Variants in GP6 observed in about 807,000 individuals in gnomAD.
The protein encoded by GP6 is glycoprotein VI platelet.
Under a neutral mutation model 37.3 loss-of-function variants are expected in GP6, and 45 were observed. That is an observed-to-expected ratio of 1.21 (90% CI 0.95 to 1.55). The LOEUF (loss-of-function observed/expected upper bound fraction) is 1.55. Among genes scored for constraint, GP6 ranks in the 40% most tolerant of loss-of-function variants. The pLI, the probability that GP6 is intolerant of heterozygous loss-of-function variation, is 0.00. For synonymous variants in GP6, 340 were observed against 316.4 expected, an observed-to-expected ratio of 1.07 and a Z score of -0.79; for missense variants, 813 against 760.2, an observed-to-expected ratio of 1.07 and a Z score of -0.82.
rs1555793008 is a variant in GP6 at position 55,014,732 on chromosome 19, G to GAGGCAGAC, written c.1205_1212dup (p.Leu405ValfsTer6). On this transcript the variant is annotated frameshift_variant, in exon 8 of 8. Transcript: ENST00000310373. LOFTEE classifies it low-confidence loss of function (END_TRUNC). ...CAAATGGAGGGTGCCCTCAGACAGAGAGGCAGACAGACAGACAGACACTGG... is the reference window on the plus strand; with the variant it reads ...CAAATGGAGGGTGCCCTCAGACAGAGAGGCAGACAGGCAGACAGACAGACAGACACTGG... 2.5e-6 allele frequency: 4 copies of GAGGCAGAC among 1,610,912 alleles called. No homozygotes were observed. The highest frequency in any genetic ancestry group is 3.4e-6 in the Non-Finnish European group (4 of 1,178,840).
At chr19:55,034,153 T>C (rs990493586) in intron 1 of GP6, among the ~76,000 whole-genome samples, 3 of 77,472 alleles carry the variant, frequency 3.9e-5, no homozygotes, top group South Asian at 3.9e-4. Flanking sequence ...TGTATGCATG[T>C]GTGTGTGTGT....
In GP6 at chr19:55,015,070, A is replaced by G; in HGVS notation, c.875T>C (p.Leu292Pro). The change falls in exon 8 of 8, where the codon CTG (leucine) becomes CCG (proline). Residue 292 changes from leucine (L) to proline (P), a missense_variant. Physicochemically the swap from Leu to Pro is moderately conservative, Grantham distance 98. Transcript: ENST00000310373. ...CGCAGGCGCTTCCTCCGGCTGTGCC[A>G]GTCCTCTGCCAGAAACCCCGCCAGG... 1 of 1,605,180 alleles carries G rather than the reference A, an allele frequency of 6.2e-7. No homozygotes were observed. Among genetic ancestry groups the G allele is most frequent in the Non-Finnish European group, 8.5e-7 (1 of 1,176,372 alleles).
At chr19:55,015,805 A>G in intron 6 of GP6, 72 bp from the exon 7 acceptor site, 1 of 740,334 alleles carries the variant, frequency 1.4e-6, no homozygotes, top group Non-Finnish European at 2.4e-6. Context: ...CCTACTCCGA[A>G]CACACACACA....
chr19:55,033,154 G>A (rs2074660132), intron 1 of GP6, among the ~76,000 whole-genome samples: 8 of 148,942 alleles, frequency 5.4e-5, no homozygotes, highest in Non-Finnish European at 8.9e-5. Context: ...GGGTTCGTTC[G>A]TGTTAGACGC....
rs951449463 is a variant in GP6, at chr19:55,018,682, C to T, written c.694G>A (p.Val232Ile). 1.4e-5 allele frequency: 22 copies of T among 1,608,896 alleles called. No individual in the cohort carries two copies. The highest frequency in any genetic ancestry group is 1.8e-5 in the Non-Finnish European group (21 of 1,175,180). ...GTGAAGACTTCGTTTGTGAATGAGA[C>T]GGTCAGTTCAGCGGTGGCTTCTGAG... Residue 232 changes from valine (V) to isoleucine (I), a missense_variant, in exon 6 of 8, where the codon GTC (valine) becomes ATC (isoleucine). Coordinates refer to ENST00000310373, the MANE Select transcript of GP6 (RefSeq NM_001083899.2).
intron 5 of GP6, among the ~76,000 whole-genome samples, chr19:55,020,626 G>C (rs1462802410): frequency 6.6e-6 from 1 of 152,082 alleles, no homozygotes; most frequent in East Asian, 1.9e-4. Flanking sequence ...ATCATTGATG[G>C]GCATTTGGGT....
At chr19:55,027,900 C>T (rs750159484) in intron 3 of GP6, 38 bp from the exon 4 acceptor site, 2 of 1,608,020 alleles carry the variant, frequency 1.2e-6, no homozygotes, top group South Asian at 1.1e-5. Context: ...AAGGCAGGAG[C>T]CAGCATCTCA....
intron 1 of GP6, among the ~76,000 whole-genome samples, chr19:55,033,041 C>CGCGGAGGGT (rs2074650056): frequency 2.2e-5 from 1 of 44,756 alleles, no homozygotes; most frequent in Non-Finnish European, 4.7e-5. Context: ...ACACGGTGGA[C>CGCGGAGGGT]TCGTTCGTGT....
In GP6 at chr19:55,014,020, G is replaced by T. The variant is rs10417981; in HGVS notation, c.*62C>A. 0.78 allele frequency: 405,731 copies of T among 523,512 alleles called. 159,417 individuals are homozygous for T. The highest frequency in any genetic ancestry group is 0.81 in the East Asian group (16,887 of 20,798). 32.4% of individuals were successfully genotyped at this position (523,512 alleles called of 1,614,324 possible). A position where few individuals can be genotyped will look rare whatever the true frequency, so the allele number is the denominator to read the frequency against. On this transcript the variant is annotated 3_prime_UTR_variant, in exon 8 of 8. Coordinates refer to ENST00000310373, the MANE Select transcript of GP6 (RefSeq NM_001083899.2). ...TTTTATGATTTTAAAAATGTATACA[G>T]AATTGTACATATTTATGGGGTGGAC...
chr19:55,027,416 A>C (rs1413075655), intron 4 of GP6, among the ~76,000 whole-genome samples, 162 bp downstream of exon 4: 1 of 83,176 alleles, frequency 1.2e-5, no homozygotes, highest in African/African-American at 4.9e-5. Context: ...CCTGCAGCCC[A>C]GGGCTTCCTG....
chr19:55,020,973 A>G (rs1259437849), intron 5 of GP6, among the ~76,000 whole-genome samples: 1 of 148,588 alleles, frequency 6.7e-6, no homozygotes, highest in East Asian at 2.0e-4. Flanking sequence ...AATCACTTGA[A>G]CCCTGGAGGC....
chr19:55,024,324 ACATATG>A (rs2074211784), intron 5 of GP6, among the ~76,000 whole-genome samples: 19 of 27,262 alleles, frequency 7.0e-4, no homozygotes, highest in Non-Finnish European at 1.0e-3. Flanking sequence ...ACGCACACAC[ACATATG>A]CACGCACACA....
Position 55,013,847 on chromosome 19 carries a change from C to T in GP6, c.*235G>A. ...CTAGGATTACAGACATGATCCACTGCACTTGGCCCAGTGGTACAGTTTTAC... is the reference window on the plus strand; with the variant it reads ...CTAGGATTACAGACATGATCCACTGTACTTGGCCCAGTGGTACAGTTTTAC... On this transcript the variant is annotated 3_prime_UTR_variant, in exon 8 of 8. Coordinates refer to ENST00000310373, the MANE Select transcript of GP6 (RefSeq NM_001083899.2). 2.9e-6 allele frequency: 1 copy of T among 349,178 alleles called. No individual in the cohort carries two copies. The highest frequency in any genetic ancestry group is 2.3e-5 in the South Asian group (1 of 44,436). 21.6% of individuals were successfully genotyped at this position (349,178 alleles called of 1,614,324 possible). A position where few individuals can be genotyped will look rare whatever the true frequency, so the allele number is the denominator to read the frequency against.
At chr19:55,033,536 G>A (rs1314126089) in intron 1 of GP6, among the ~76,000 whole-genome samples, 1 of 151,076 alleles carries the variant, frequency 6.6e-6, no homozygotes, top group Non-Finnish European at 1.5e-5. Flanking sequence ...TGTTGTGTTA[G>A]ACACGGTGGG....
intron 5 of GP6, 104 bp from the exon 6 acceptor site, chr19:55,018,815 C>G: frequency 1.3e-6 from 1 of 799,724 alleles, no homozygotes; most frequent in South Asian, 1.4e-5. Context: ...ACCCCTTTCT[C>G]TGACACACTG....
In GP6 at chr19:55,018,667, C is replaced by G. The variant is rs1654416; in HGVS notation, c.709G>C (p.Glu237Gln). ...GGTTACTCACCAGTTGTGAAGACTTCGTTTGTGAATGAGACGGTCAGTTCA... is the reference window on the plus strand; with the variant it reads ...GGTTACTCACCAGTTGTGAAGACTTGGTTTGTGAATGAGACGGTCAGTTCA... Residue 237 changes from glutamate (E) to glutamine (Q), a missense_variant, in exon 6 of 8, where the codon GAA becomes CAA. Coordinates refer to ENST00000310373, the MANE Select transcript of GP6 (RefSeq NM_001083899.2). 2.5e-6 allele frequency: 4 copies of G among 1,600,792 alleles called. No individual in the cohort carries two copies. The highest frequency in any genetic ancestry group is 1.7e-6 in the Non-Finnish European group (2 of 1,168,022).
rs542985171 is a variant in GP6, at chr19:55,023,135, T to C, written c.664+2083A>G. Among the ~76,000 whole-genome samples, 41 of 152,242 alleles carry C rather than the reference T, an allele frequency of 2.7e-4. No homozygotes were observed. The South Asian group carries it at 8.5e-3, about 32-fold the overall frequency. ...CAAGGTGATAGTAACCAAAACAGCA[T>C]GGTACTGGTACAAAAACAGACACAT... On this transcript the variant is annotated intron_variant, in intron 5 of 7. Coordinates refer to ENST00000310373, the MANE Select transcript of GP6 (RefSeq NM_001083899.2).
At position 55,025,218 on chromosome 19, in the gene GP6, C is replaced by G. The variant is rs1311445913; in HGVS notation, c.664G>C (p.Glu222Gln). Reference sequence around the variant, plus strand: ...CCAGAATGGACCCTGCAGAACCTACCTGCTACCGGGGAAGGTGGTTCTGTT... The same window carrying G: ...CCAGAATGGACCCTGCAGAACCTACGTGCTACCGGGGAAGGTGGTTCTGTT... Residue 222 changes from glutamate to glutamine, a missense_variant and splice_region_variant, in exon 5 of 8, where the codon GAA (glutamate) becomes CAA (glutamine). Glu to Gln is a conservative substitution (Grantham distance 29). Transcript: ENST00000310373. The G allele has an allele frequency of 1.3e-6, 2 of 1,535,740 alleles. No individual in the cohort carries two copies. The highest frequency in any genetic ancestry group is 1.8e-6 in the Non-Finnish European group (2 of 1,132,178).
intron 5 of GP6, among the ~76,000 whole-genome samples, chr19:55,021,253 A>C (rs573921841): frequency 6.7e-6 from 1 of 148,242 alleles, no homozygotes; most frequent in Non-Finnish European, 1.5e-5. Flanking sequence ...AGTCCCAGTT[A>C]CTTAGGAGGC....
Sources: gnomAD v4.1 joint callset for allele counts (sites outside exome capture counted in the v4.1 genomes callset) on GRCh38, gnomAD v4.1.1 for gene constraint, MANE v1.5 for transcripts, NCBI Gene and HGNC (gene_info 2026-07-23, HGNC 2026-07-21) for gene names.